Variants in BRME1 observed in about 807,000 individuals in gnomAD.
The protein encoded by BRME1 is BRCA2 and MEILB2-associating protein 1.
A neutral mutation model predicts 52.6 loss-of-function variants in BRME1; 31 were observed. The observed-to-expected ratio is 0.59, with a 90% CI of 0.44 to 0.80. The LOEUF (loss-of-function observed/expected upper bound fraction) is 0.80. BRME1 is among the 30% of genes least tolerant of loss of function. BRME1 has a pLI of 0.00. For missense variants in BRME1, 804 were observed against 860.3 expected, an observed-to-expected ratio of 0.93 and a Z score of 0.82; for synonymous variants, 359 against 353.6, an observed-to-expected ratio of 1.02 and a Z score of -0.17.
In BRME1 at chr19:13,883,108, T is replaced by G. The variant is rs1358799963; in HGVS notation, c.1857-156A>C. On this transcript the variant is annotated intron_variant, in intron 8 of 8. Coordinates refer to ENST00000586783, the MANE Select transcript of BRME1 (RefSeq NM_001345843.2). The surrounding 1 kb of genome is among the most constrained non-coding windows in gnomAD (Gnocchi z 4.2). ...AGAAAGGGCCTGTTGTAGCACAGGC[T>G]GGGCCTGTTGCAGCCTTTCTTCAGA... Among the ~76,000 whole-genome samples the G allele has an allele frequency of 1.4e-4, 10 of 72,502 alleles. 1 individual carries two copies. In the East Asian group the frequency reaches 3.1e-3, roughly 22 times the overall value. 47.6% of individuals were successfully genotyped at this position (72,502 alleles called of 152,430 possible).
At chr19:13,886,610 G>C (rs1478891926) in intron 6 of BRME1, among the ~76,000 whole-genome samples, 1 of 152,088 alleles carries the variant, frequency 6.6e-6, no homozygotes, top group Non-Finnish European at 1.5e-5. Context: ...GTCAATGGTG[G>C]TTTAATTTCC....
chr19:13,885,928 C>A, intron 7 of BRME1, 33 bp downstream of exon 7: 1 of 1,598,454 alleles, frequency 6.3e-7, no homozygotes, highest in South Asian at 1.1e-5. Context: ...TTGTGAGGGT[C>A]CTGGAGCCAC....
At chr19:13,884,046 G>A (rs527306560) in intron 7 of BRME1, among the ~76,000 whole-genome samples, 2 of 152,186 alleles carry the variant, frequency 1.3e-5, no homozygotes, top group African/African-American at 2.4e-5. Flanking sequence ...CCAGCACCCA[G>A]GGCAGTGCTA....
At chr19:13,886,130 C>T (rs1238066746) in intron 6 of BRME1, 75 bp from the exon 7 acceptor site, 13 of 1,297,342 alleles carry the variant, frequency 1.0e-5, no homozygotes, top group South Asian at 1.0e-4. Context: ...CCAGAAGTCA[C>T]GCTGATGCTT....
At chr19:13,885,198 C>T (rs1314550922) in intron 7 of BRME1, 2 of 152,330 alleles carry the variant, frequency 1.3e-5, no homozygotes, top group Non-Finnish European at 2.9e-5. Context: ...GTGTGGGGGC[C>T]ACACACAGCC....
At chr19:13,901,773 C>T (rs555282353) in intron 2 of BRME1, among the ~76,000 whole-genome samples, 1 of 151,794 alleles carries the variant, frequency 6.6e-6, no homozygotes, top group Non-Finnish European at 1.5e-5. Context: ...CATGGTGGCT[C>T]ATGCCTGTAA....
In BRME1 at chr19:13,882,950, C is replaced by A; in HGVS notation, c.1859G>T (p.Arg620Leu). Residue 620 changes from arginine (R) to leucine (L), a missense_variant and splice_region_variant, in exon 9 of 9, where the codon CGG becomes CTG. Arg to Leu is a moderately radical substitution (Grantham distance 102). Transcript: ENST00000586783. ...GTCCCGGTGGGTGCCCATGATCAGC[C>A]GGCTGTGGGGGAAACACAGGCATGC... is the stretch of plus-strand genomic sequence containing the variant. ...GLIVELSNLN[R>L]LIMGTHRDLE... is the part of the protein sequence containing the mutation. The A allele has an allele frequency of 2.5e-6, 4 of 1,612,134 alleles. No individual in the cohort carries two copies. Among genetic ancestry groups the A allele is most frequent in the Non-Finnish European group, 3.4e-6 (4 of 1,179,582 alleles).
At chr19:13,891,197 T>G (rs1393012182) in intron 5 of BRME1, among the ~76,000 whole-genome samples, 2 of 151,188 alleles carry the variant, frequency 1.3e-5, no homozygotes, top group African/African-American at 4.9e-5. Flanking sequence ...TTGCCCAGGC[T>G]GGAGTGCAAT....
chr19:13,884,290 T>C (rs939547717), intron 7 of BRME1, among the ~76,000 whole-genome samples: 8 of 151,534 alleles, frequency 5.3e-5, no homozygotes, highest in African/African-American at 1.7e-4. Flanking sequence ...CAGTAAGCTA[T>C]GATCCTGTAC....
chr19:13,894,469 G>A (rs1282211391), intron 3 of BRME1, among the ~76,000 whole-genome samples: 1 of 152,134 alleles, frequency 6.6e-6, no homozygotes, highest in Non-Finnish European at 1.5e-5. Flanking sequence ...AGGTTGCAGT[G>A]AGCCGAGATT....
In BRME1 at chr19:13,888,898, C is replaced by T. The variant is rs1969231482; in HGVS notation, c.1668+290G>A. ...TGAAGCAGAAGCTGCCAGGGGCTGG[C>T]ACTCCTGGGGACTCCAGTTCAATGT... On this transcript the variant is annotated intron_variant, in intron 6 of 8. Transcript: ENST00000586783. This position sits in a 1 kb window ranked among gnomAD's most constrained non-coding sequence, Gnocchi z 4.1. Among the ~76,000 whole-genome samples, 1 of 152,128 alleles carries T rather than the reference C, an allele frequency of 6.6e-6. No individual in the cohort carries two copies. Among genetic ancestry groups the T allele is most frequent in the Admixed American group, 6.5e-5 (1 of 15,268 alleles).
chr19:13,884,620 CTG>C (rs1383937263), intron 7 of BRME1, among the ~76,000 whole-genome samples: 6 of 135,416 alleles, frequency 4.4e-5, no homozygotes, highest in South Asian at 2.3e-4. Flanking sequence ...GGGAGTAAGA[CTG>C]TGTCTCAAAA....
At position 13,895,478 on chromosome 19, in the gene BRME1, T is replaced by C. The variant is rs750046827; in HGVS notation, c.100A>G (p.Ser34Gly). 3.7e-6 allele frequency: 6 copies of C among 1,614,012 alleles called. No homozygotes were observed. In the Admixed American group the frequency reaches 1.0e-4, roughly 27 times the overall value. Residue 34 changes from serine to glycine, a missense_variant, in exon 3 of 9, where the codon AGT becomes GGT. Physicochemically the swap from Ser to Gly is moderately conservative, Grantham distance 56. Coordinates refer to ENST00000586783, the MANE Select transcript of BRME1 (RefSeq NM_001345843.2). ...RLGDFYGDPQSSMLGCLHHPE... is the reference protein window; with the variant it reads ...RLGDFYGDPQGSMLGCLHHPE... ...TGATGTAAACAGCCCAACATGGAAC[T>C]CTGGGGGTCCCCATAGAAGTCTCCT...
At position 13,892,808 on chromosome 19, in the gene BRME1, C is replaced by G. The variant is rs768348040; in HGVS notation, c.371G>C (p.Arg124Pro). Reference protein sequence around the residue: ...TRKEEMKDEDRGSGAFSLETI... With the variant: ...TRKEEMKDEDPGSGAFSLETI... ...TACCAGGCTAAAGGCCCCACTCCCA[C>G]GGTCCTCATCCTTCATCTCTTCTTT... is the stretch of plus-strand genomic sequence containing the variant. Residue 124 changes from arginine (R) to proline (P), a missense_variant, in exon 5 of 9, where the codon CGT becomes CCT. Physicochemically the swap from Arg to Pro is moderately radical, Grantham distance 103 (BLOSUM62 -2). Around this residue, in one of 3 missense-constraint regions of BRME1, gnomAD observed 234 missense variants for 258.1 expected, o/e 0.91. Coordinates refer to ENST00000586783, the MANE Select transcript of BRME1 (RefSeq NM_001345843.2). The G allele has an allele frequency of 2.5e-6, 4 of 1,613,994 alleles. No homozygotes were observed. The Admixed American group carries it at 5.0e-5, about 20-fold the overall frequency.
rs375479370 is a variant in BRME1, at chr19:13,895,380, G to A, written c.198C>T (p.Ala66=). The A allele has an allele frequency of 1.8e-5, 29 of 1,612,802 alleles. No homozygotes were observed. Among genetic ancestry groups the A allele is most frequent in the South Asian group, 3.3e-5 (3 of 90,992 alleles). ...TQQHGEEPGK[A]VSSSPDEETG... ...TGTTCAGAGCCACCTACCTGGAGACGGCCTTTCCTGGTTCCTCCCCGTGCT... is the reference window on the plus strand; with the variant it reads ...TGTTCAGAGCCACCTACCTGGAGACAGCCTTTCCTGGTTCCTCCCCGTGCT... Residue 66 remains alanine (A), a synonymous_variant, in exon 3 of 9, where the codon GCC becomes GCT. Coordinates refer to ENST00000586783, the MANE Select transcript of BRME1 (RefSeq NM_001345843.2).
Position 13,883,303 on chromosome 19 carries a change from C to T in BRME1, c.1856+5G>A, listed in dbSNP as rs1343465416. On this transcript the variant is annotated splice_donor_5th_base_variant and intron_variant, in intron 8 of 8. Coordinates refer to ENST00000586783, the MANE Select transcript of BRME1 (RefSeq NM_001345843.2). The surrounding 1 kb of genome is among the most constrained non-coding windows in gnomAD (Gnocchi z 4.2). ...CTGTGCCGTGAGTCCAAGCCCACCCCGTACTTCAGGTTGGAGAGCTCAACG... is the reference window on the plus strand; with the variant it reads ...CTGTGCCGTGAGTCCAAGCCCACCCTGTACTTCAGGTTGGAGAGCTCAACG... 1.6e-5 allele frequency: 25 copies of T among 1,531,668 alleles called. No homozygotes were observed. Among genetic ancestry groups the T allele is most frequent in the African/African-American group, 2.7e-5 (2 of 72,920 alleles). 94.9% of individuals were successfully genotyped at this position (1,531,668 alleles called of 1,614,324 possible).
rs539878587 is a variant in BRME1 at position 13,900,550 on chromosome 19, C to T, written c.31+4312G>A. On this transcript the variant is annotated intron_variant, in intron 2 of 8. Transcript: ENST00000586783. ...CCCATATCTTGGGGGAAAAAACATG[C>T]ACACCATTCCCTAAATTCATCAGCC... Among the ~76,000 whole-genome samples, 23 of 152,316 alleles carry T rather than the reference C, an allele frequency of 1.5e-4. 1 individual carries two copies. Among genetic ancestry groups the T allele is most frequent in the African/African-American group, 4.1e-4 (17 of 41,570 alleles).
chr19:13,890,442 G>A lies in BRME1; in HGVS notation c.414C>T (p.Ser138=), dbSNP rs375211344. 2.4e-5 allele frequency: 36 copies of A among 1,501,852 alleles called. 1 individual carries two copies. The Admixed American group carries it at 3.5e-4, about 14-fold the overall frequency. The allele number at this position is 1,501,852 out of a possible 1,614,324, so 93.0% of individuals were successfully genotyped here. A position where few individuals can be genotyped will look rare whatever the true frequency, so the allele number is the denominator to read the frequency against. ...AFSLETIAES[S]AQSPGCQLLV... The stretch of plus-strand genomic sequence containing the variant: ...GCAGCTGGCATCCTGGACTCTGGGC[G>A]CTGGACTCTGCGATTGTTTCCTGTG... The change falls in exon 6 of 9, where the codon AGC becomes AGT. Residue 138 remains serine, a synonymous_variant. Coordinates refer to ENST00000586783, the MANE Select transcript of BRME1 (RefSeq NM_001345843.2).
chr19:13,883,483 C>A lies in BRME1; in HGVS notation c.1764-83G>T. The stretch of plus-strand genomic sequence containing the variant: ...TCCAGTGGGAGGGGCTTCCGCAGGG[C>A]CTCGCGCCATCTTTTCCAGGTGTCC... On this transcript the variant is annotated intron_variant, in intron 7 of 8. Coordinates refer to ENST00000586783, the MANE Select transcript of BRME1 (RefSeq NM_001345843.2). This position sits in a 1 kb window ranked among gnomAD's most constrained non-coding sequence, Gnocchi z 4.2. 1 of 1,032,230 alleles carries A rather than the reference C, an allele frequency of 9.7e-7. No individual in the cohort carries two copies. Among genetic ancestry groups the A allele is most frequent in the Non-Finnish European group, 1.4e-6 (1 of 695,818 alleles). 63.9% of individuals were successfully genotyped at this position (1,032,230 alleles called of 1,614,324 possible).
Sources: allele counts gnomAD v4.1 joint callset (sites outside exome capture counted in the v4.1 genomes callset), GRCh38; gene constraint gnomAD v4.1.1; regional missense constraint gnomAD v4.1.1; non-coding constraint Gnocchi (gnomAD v3.1); transcripts MANE v1.5; gene names NCBI Gene and HGNC (gene_info 2026-07-23, HGNC 2026-07-21).